The following KDM7A variants were observed in gnomAD, a reference collection of about 807,000 sequenced individuals.
KDM7A encodes the protein lysine demethylase 7A.
In KDM7A, 28 loss-of-function variants were observed where a neutral mutation model predicts 114.8. The ratio of observed to expected loss-of-function variants is 0.24; its 90% CI spans 0.18 to 0.33. The LOEUF is 0.33. Among genes scored for constraint, KDM7A ranks in the 10% least tolerant of loss-of-function variants. The pLI is 1.00. For synonymous variants in KDM7A, 423 were observed against 397.8 expected, an observed-to-expected ratio of 1.06 and a Z score of -0.75; for missense variants, 942 against 1,142.5, an observed-to-expected ratio of 0.82 and a Z score of 2.53.
intron 1 of KDM7A, among the ~76,000 whole-genome samples, chr7:140,174,465 C>A (rs1014247153): frequency 2.0e-5 from 3 of 152,198 alleles, no homozygotes; most frequent in Non-Finnish European, 2.9e-5. Flanking sequence ...TGTATACTTA[C>A]ATGTATTACA....
chr7:140,132,655 C>T (rs1818806852), intron 3 of KDM7A, among the ~76,000 whole-genome samples: 1 of 152,152 alleles, frequency 6.6e-6, no homozygotes, highest in Non-Finnish European at 1.5e-5. Flanking sequence ...ACAAAAATCA[C>T]GTGGAAACAC....
At position 140,124,681 on chromosome 7, in the gene KDM7A, T is replaced by C. The variant is rs1366603544; in HGVS notation, c.991A>G (p.Lys331Glu). ...VTQSEVFFGD[K>E]VDKCYKCVVK... ...ACACATTTGTAGCATTTATCCACCT[T>C]ATCTCCAAAGAACACCTCACTCTGG... The change falls in exon 7 of 20, where the codon AAG becomes GAG. Residue 331 changes from lysine (K) to glutamate (E), a missense_variant. By Grantham distance (56) the Lys-to-Glu change is moderately conservative. This residue lies in a region of KDM7A where 318 missense variants were observed against 453.1 expected (regional missense o/e 0.70). Transcript: ENST00000397560. The C allele has an allele frequency of 3.1e-6, 5 of 1,613,720 alleles. No individual in the cohort carries two copies. In the Admixed American group the frequency reaches 6.7e-5, roughly 22 times the overall value.
At chr7:140,125,716 G>A (rs1397553550) in intron 6 of KDM7A, among the ~76,000 whole-genome samples, 1 of 150,730 alleles carries the variant, frequency 6.6e-6, no homozygotes, top group African/African-American at 2.4e-5. Context: ...ACAGGCATGA[G>A]CCACCACACC....
intron 1 of KDM7A, among the ~76,000 whole-genome samples, chr7:140,157,992 A>AATTAAT (rs1044123638): frequency 1.5e-4 from 22 of 146,442 alleles, no homozygotes; most frequent in African/African-American, 5.3e-4. Flanking sequence ...ATAAATAAAT[A>AATTAAT]AATAATAATA....
At chr7:140,100,681 C>CACATATATATATAT (rs1554395402) in intron 12 of KDM7A, among the ~76,000 whole-genome samples, 8 of 44,328 alleles carry the variant, frequency 1.8e-4, no homozygotes, top group Non-Finnish European at 2.6e-4. Flanking sequence ...TATATATATA[C>CACATATATATATAT]ATATATACAT....
intron 8 of KDM7A, among the ~76,000 whole-genome samples, chr7:140,120,083 C>T (rs554091997): frequency 2.0e-5 from 3 of 152,256 alleles, no homozygotes; most frequent in Admixed American, 1.3e-4. Flanking sequence ...TCCTGACTTA[C>T]GGTTGCTTTT....
chr7:140,100,061 C>G (rs1205986546), intron 12 of KDM7A, 38 bp from the exon 13 acceptor site: 8 of 1,611,534 alleles, frequency 5.0e-6, no homozygotes, highest in Non-Finnish European at 5.1e-6. Context: ...ACCATCCACC[C>G]TCAGGTAGCC....
rs1448151025 is a variant in KDM7A, at chr7:140,127,578, C to T, written c.565G>A (p.Asp189Asn). Residue 189 changes from aspartate to asparagine, a missense_variant, in exon 5 of 20, where the codon GAC (aspartate) becomes AAC (asparagine). Coordinates refer to ENST00000397560, the MANE Select transcript of KDM7A (RefSeq NM_030647.2). Reference sequence around the variant, plus strand: ...ACATCAATGACATCTATCACTTTGTCACCACCTGCAGAGAAAAATTACAGT... The same window carrying T: ...ACATCAATGACATCTATCACTTTGTTACCACCTGCAGAGAAAAATTACAGT... ...VMDVERYVGG[D>N]KVIDVIDVAR... 1 of 1,613,664 alleles carries T rather than the reference C, an allele frequency of 6.2e-7. No individual in the cohort carries two copies.
chr7:140,096,340 G>C (rs903093462), intron 17 of KDM7A, among the ~76,000 whole-genome samples: 1 of 152,198 alleles, frequency 6.6e-6, no homozygotes, highest in Non-Finnish European at 1.5e-5. Flanking sequence ...TGATGCTAGT[G>C]AACACAATTG....
intron 18 of KDM7A, among the ~76,000 whole-genome samples, chr7:140,093,723 G>C (rs1649616521): frequency 6.6e-6 from 1 of 152,180 alleles, no homozygotes; most frequent in African/African-American, 2.4e-5. Flanking sequence ...TCAAGAAACA[G>C]CATCAGAGAT....
chr7:140,117,518 G>A (rs1372396047), intron 9 of KDM7A, among the ~76,000 whole-genome samples: 1 of 151,986 alleles, frequency 6.6e-6, no homozygotes, highest in Admixed American at 6.6e-5. Flanking sequence ...CTAACCATAA[G>A]ACAGGAACTT....
intron 1 of KDM7A, among the ~76,000 whole-genome samples, chr7:140,153,888 C>T (rs1484958228): frequency 6.6e-6 from 1 of 152,052 alleles, no homozygotes; most frequent in Non-Finnish European, 1.5e-5. Context: ...TTCCCACTTT[C>T]GATTATCTAT....
intron 2 of KDM7A, among the ~76,000 whole-genome samples, chr7:140,138,314 A>T (rs1180520119): frequency 2.6e-5 from 4 of 152,096 alleles, no homozygotes; most frequent in Non-Finnish European, 5.9e-5. Context: ...TCTCAAATAA[A>T]AAAAAAAAAA....
rs1168075831 is a variant in KDM7A at position 140,152,917 on chromosome 7, T to C, written c.195-13727A>G. On this transcript the variant is annotated intron_variant, in intron 1 of 19. Coordinates refer to ENST00000397560, the MANE Select transcript of KDM7A (RefSeq NM_030647.2). Reference sequence around the variant, plus strand: ...GCTCTGTCACCAGGCTGGAGTGCAATGGCACCATCTCAGCTCACTGCAACC... The same window carrying C: ...GCTCTGTCACCAGGCTGGAGTGCAACGGCACCATCTCAGCTCACTGCAACC... Among the ~76,000 whole-genome samples the C allele has an allele frequency of 8.5e-5, 13 of 152,134 alleles. No individual in the cohort carries two copies. The East Asian group carries it at 2.6e-3, about 30-fold the overall frequency.
Position 140,097,651 on chromosome 7 carries a change from G to C in KDM7A, c.1919-9C>G, listed in dbSNP as rs1174260069. On this transcript the variant is annotated splice_polypyrimidine_tract_variant and intron_variant, in intron 14 of 19. Coordinates refer to ENST00000397560, the MANE Select transcript of KDM7A (RefSeq NM_030647.2). ...CACACGTGTAAAAAACCCTGAAAAA[G>C]AATGAAAGGATGAGAAAAAGAGAAA... 4 of 1,463,120 alleles carry C rather than the reference G, an allele frequency of 2.7e-6. No homozygotes were observed. In the East Asian group the frequency reaches 9.1e-5, roughly 33 times the overall value. 90.6% of individuals were successfully genotyped at this position (1,463,120 alleles called of 1,614,324 possible). A position where few individuals can be genotyped will look rare whatever the true frequency, so the allele number is the denominator to read the frequency against.
At position 140,119,238 on chromosome 7, in the gene KDM7A, A is replaced by G. The variant is rs910027321; in HGVS notation, c.1140-19T>C. The G allele has an allele frequency of 8.3e-6, 11 of 1,326,572 alleles. No homozygotes were observed. The highest frequency in any genetic ancestry group is 1.2e-5 in the Non-Finnish European group (11 of 951,582). 82.2% of individuals were successfully genotyped at this position (1,326,572 alleles called of 1,614,324 possible). On this transcript the variant is annotated intron_variant, in intron 8 of 19. Transcript: ENST00000397560. ...ATAACACCTAAATGAGTTTGAAGAA[A>G]TTTTTAATATTAATATTAGAATTTC...
chr7:140,109,960 T>C (rs1208091947), intron 11 of KDM7A, among the ~76,000 whole-genome samples: 1 of 152,182 alleles, frequency 6.6e-6, no homozygotes, highest in East Asian at 1.9e-4. Flanking sequence ...CTGGATAGGA[T>C]TGCCAGATAA....
At chr7:140,119,263 C>A in intron 8 of KDM7A, 44 bp from the exon 9 acceptor site, 1 of 1,119,796 alleles carries the variant, frequency 8.9e-7, no homozygotes, top group South Asian at 1.6e-5. Context: ...ATTAGAATTT[C>A]AAAGTTAGAT....
chr7:140,114,564 G>C (rs1425765839), intron 9 of KDM7A, among the ~76,000 whole-genome samples: 1 of 152,232 alleles, frequency 6.6e-6, no homozygotes, highest in Non-Finnish European at 1.5e-5. Context: ...AAAGTGCCGA[G>C]ATTGCAGCCT....
Sources: gnomAD v4.1 joint callset for allele counts (sites outside exome capture counted in the v4.1 genomes callset) on GRCh38, gnomAD v4.1.1 for gene constraint, gnomAD v4.1.1 regional missense constraint, MANE v1.5 for transcripts, NCBI Gene and HGNC (gene_info 2026-07-23, HGNC 2026-07-21) for gene names.